The following VCP variants were observed in gnomAD, a reference collection of about 807,000 sequenced individuals.
The protein encoded by VCP is valosin containing protein.
VCP carries 6 observed loss-of-function variants against 85.7 expected under a neutral mutation model. The observed-to-expected ratio is 0.07, with a 90% CI of 0.04 to 0.14. VCP has a LOEUF of 0.14. VCP is among the 10% of genes least tolerant of loss of function. The pLI is 1.00. For synonymous variants in VCP, 384 were observed against 367.1 expected, an observed-to-expected ratio of 1.05 and a Z score of -0.53; for missense variants, 353 against 1,043.4, an observed-to-expected ratio of 0.34 and a Z score of 9.12.
chr9:35,062,112 A>G lies in VCP; in HGVS notation c.972T>C (p.Ile324=). 1 of 1,614,122 alleles carries G rather than the reference A, an allele frequency of 6.2e-7. No individual in the cohort carries two copies. Among genetic ancestry groups the G allele is most frequent in the Non-Finnish European group, 8.5e-7 (1 of 1,180,018 alleles). Residue 324 remains isoleucine (I), a synonymous_variant, in exon 9 of 17, where the codon ATT becomes ATC. Transcript: ENST00000358901. ...EKTHGEVERR[I]VSQLLTLMDG... The stretch of plus-strand genomic sequence containing the variant: ...CCATGAGGGTCAACAACTGTGATAC[A>G]ATGCGCCGCTCCACCTCGCCATGAG...
At chr9:35,064,382 C>T in intron 5 of VCP, 97 bp from the exon 6 acceptor site, 2 of 1,524,374 alleles carry the variant, frequency 1.3e-6, no homozygotes, top group Middle Eastern at 2.3e-4. Context: ...TGTGCAAAAA[C>T]CTACCGTATA....
At position 35,062,906 on chromosome 9, in the gene VCP, A is replaced by G. The variant is rs977835972; in HGVS notation, c.811+72T>C. 3.9e-5 allele frequency: 57 copies of G among 1,446,382 alleles called. 1 individual carries two copies. The East Asian group carries it at 4.5e-4, about 11-fold the overall frequency. 89.6% of individuals were successfully genotyped at this position (1,446,382 alleles called of 1,614,324 possible). A position where few individuals can be genotyped will look rare whatever the true frequency, so the allele number is the denominator to read the frequency against. ...GCATGGGTGCAAAAAGGATGTGTTC[A>G]TAAGTGCTCCAGCTCATAAGCCCAG... On this transcript the variant is annotated intron_variant, in intron 7 of 16. Coordinates refer to ENST00000358901, the MANE Select transcript of VCP (RefSeq NM_007126.5).
At chr9:35,060,619 A>G in intron 12 of VCP, 94 bp from the exon 13 acceptor site, 1 of 1,515,698 alleles carries the variant, frequency 6.6e-7, no homozygotes, top group Non-Finnish European at 9.1e-7. Flanking sequence ...TTCATGGTGT[A>G]CCCAATGGTA....
At chr9:35,061,457 C>CT in intron 10 of VCP, 120 bp downstream of exon 10, 2 of 1,069,318 alleles carry the variant, frequency 1.9e-6, no homozygotes, top group Non-Finnish European at 2.9e-6. Flanking sequence ...AGATTACTTC[C>CT]TTTCCCCTGT....
At position 35,068,235 on chromosome 9, in the gene VCP, T is replaced by G; in HGVS notation, c.129+16A>C. 1 of 1,612,938 alleles carries G rather than the reference T, an allele frequency of 6.2e-7. No individual in the cohort carries two copies. Among genetic ancestry groups the G allele is most frequent in the Non-Finnish European group, 8.5e-7 (1 of 1,178,916 alleles). On this transcript the variant is annotated intron_variant, in intron 2 of 16. Coordinates refer to ENST00000358901, the MANE Select transcript of VCP (RefSeq NM_007126.5). ...TAAGTGCAGTAAGGAAAGACTAGTC[T>G]GTGGCCACAGCTTACCTGGGACAAG...
At chr9:35,062,907 T>G in intron 7 of VCP, 71 bp downstream of exon 7, 1 of 1,454,892 alleles carries the variant, frequency 6.9e-7, no homozygotes. Flanking sequence ...GATGTGTTCA[T>G]AAGTGCTCCA....
Position 35,057,030 on chromosome 9 carries a change from C to A in VCP, c.*87G>T, listed in dbSNP as rs1587116805. On this transcript the variant is annotated 3_prime_UTR_variant, in exon 17 of 17. Coordinates refer to ENST00000358901, the MANE Select transcript of VCP (RefSeq NM_007126.5). ...GAGAATGGAGCAGGCTGTGGGCGCA[C>A]CCCTGGTCCCTCTCCTGGGCAAGCG... The A allele has an allele frequency of 2.2e-6, 3 of 1,348,342 alleles. No homozygotes were observed. The South Asian group carries it at 3.5e-5, about 16-fold the overall frequency. The allele number at this position is 1,348,342 out of a possible 1,614,324, so 83.5% of individuals were successfully genotyped here.
chr9:35,062,421 C>T, intron 7 of VCP, 71 bp from the exon 8 acceptor site: 1 of 1,610,428 alleles, frequency 6.2e-7, no homozygotes, highest in Non-Finnish European at 8.5e-7. Flanking sequence ...AATCAGTTAT[C>T]TTGCTTGTTT....
At chr9:35,069,208 C>G (rs1004536976) in intron 1 of VCP, among the ~76,000 whole-genome samples, 2 of 152,190 alleles carry the variant, frequency 1.3e-5, no homozygotes, top group African/African-American at 4.8e-5. Context: ...TCAAAAGGAA[C>G]TTCACAGTAA....
Position 35,072,126 on chromosome 9 carries a change from G to A in VCP, c.17+211C>T, listed in dbSNP as rs1828965405. 5 of 1,369,258 alleles carry A rather than the reference G, an allele frequency of 3.7e-6. No individual in the cohort carries two copies. The South Asian group carries it at 4.8e-5, about 13-fold the overall frequency. The allele number at this position is 1,369,258 out of a possible 1,614,324, so 84.8% of individuals were successfully genotyped here. ...GCCCAGGCTCCGACCCGGACCCAAC[G>A]CAAGCCCCGCCTAGGGGGCGCGCGG... On this transcript the variant is annotated intron_variant, in intron 1 of 16. Coordinates refer to ENST00000358901, the MANE Select transcript of VCP (RefSeq NM_007126.5).
chr9:35,067,583 G>A (rs1481619531), intron 3 of VCP, among the ~76,000 whole-genome samples: 4 of 152,078 alleles, frequency 2.6e-5, no homozygotes, highest in African/African-American at 4.8e-5. Context: ...ACACACCCTC[G>A]AGTGGTATCC....
chr9:35,061,829 T>C, intron 9 of VCP, 140 bp from the exon 10 acceptor site: 1 of 1,434,240 alleles, frequency 7.0e-7, no homozygotes. Flanking sequence ...CTGGGAAACC[T>C]TTCAGTCTCA....
rs369006103 is a variant in VCP, at chr9:35,068,235, T to C, written c.129+16A>G. On this transcript the variant is annotated intron_variant, in intron 2 of 16. Transcript: ENST00000358901. The stretch of plus-strand genomic sequence containing the variant: ...TAAGTGCAGTAAGGAAAGACTAGTC[T>C]GTGGCCACAGCTTACCTGGGACAAG... 6.2e-7 allele frequency: 1 copy of C among 1,612,938 alleles called. No homozygotes were observed. The highest frequency in any genetic ancestry group is 8.5e-7 in the Non-Finnish European group (1 of 1,178,916).
intron 1 of VCP, among the ~76,000 whole-genome samples, chr9:35,069,640 T>TG (rs532545146): frequency 1.3e-3 from 196 of 152,218 alleles, no homozygotes; most frequent in Non-Finnish European, 2.5e-3. Context: ...TTACTAGAGA[T>TG]GGGGTTTCAC....
At position 35,059,907 on chromosome 9, in the gene VCP, AG is replaced by A; in HGVS notation, c.1696-107del. On this transcript the variant is annotated intron_variant, in intron 13 of 16. Coordinates refer to ENST00000358901, the MANE Select transcript of VCP (RefSeq NM_007126.5). The surrounding 1 kb of genome is among the most constrained non-coding windows in gnomAD (Gnocchi z 4.9). ...CAGCACTTTGGGAGGCCAAGGTGGG[AG>A]GATCACTTGAGGCCAGAAATCCGAA... 2.1e-6 allele frequency: 3 copies of A among 1,449,730 alleles called. No individual in the cohort carries two copies. The highest frequency in any genetic ancestry group is 2.9e-6 in the Non-Finnish European group (3 of 1,043,034). 89.8% of individuals were successfully genotyped at this position (1,449,730 alleles called of 1,614,324 possible). A position where few individuals can be genotyped will look rare whatever the true frequency, so the allele number is the denominator to read the frequency against.
chr9:35,058,309 T>A (rs1828650054), intron 15 of VCP, among the ~76,000 whole-genome samples: 1 of 152,214 alleles, frequency 6.6e-6, no homozygotes, highest in African/African-American at 2.4e-5. Flanking sequence ...TGGAACTTAA[T>A]GAATTAATTA....
At chr9:35,062,469 T>C in intron 7 of VCP, 119 bp from the exon 8 acceptor site, 1 of 1,471,078 alleles carries the variant, frequency 6.8e-7, no homozygotes, top group Non-Finnish European at 9.3e-7. Context: ...GGTGGTAACC[T>C]CTGCCTACTT....
In VCP at chr9:35,059,954, G is replaced by T; in HGVS notation, c.1696-153C>A. 1.1e-6 allele frequency: 1 copy of T among 945,180 alleles called. No homozygotes were observed. The highest frequency in any genetic ancestry group is 1.5e-5 in the South Asian group (1 of 65,356). 58.5% of individuals were successfully genotyped at this position (945,180 alleles called of 1,614,324 possible). A position where few individuals can be genotyped will look rare whatever the true frequency, so the allele number is the denominator to read the frequency against. On this transcript the variant is annotated intron_variant, in intron 13 of 16. Transcript: ENST00000358901. The surrounding 1 kb of genome is among the most constrained non-coding windows in gnomAD (Gnocchi z 4.9). ...CCGAAACCAGCATGGGCAACATACT[G>T]AGACTTTGTCTCTACAAAAAATAAA...
chr9:35,065,887 C>T (rs1030964802), intron 4 of VCP, among the ~76,000 whole-genome samples: 6 of 152,064 alleles, frequency 3.9e-5, no homozygotes, highest in Admixed American at 2.6e-4. Flanking sequence ...ATGAGTCTAG[C>T]GGCCGGGCAC....
Sources: gnomAD v4.1 joint callset for allele counts (sites outside exome capture counted in the v4.1 genomes callset) on GRCh38, gnomAD v4.1.1 for gene constraint, Gnocchi (gnomAD v3.1) non-coding constraint, MANE v1.5 for transcripts, NCBI Gene and HGNC (gene_info 2026-07-23, HGNC 2026-07-21) for gene names.